DPYD: variants seen among roughly 807,000 people sequenced by gnomAD.
The protein encoded by DPYD is dihydropyrimidine dehydrogenase [NADP(+)].
Under a neutral mutation model 116.2 loss-of-function variants are expected in DPYD, and 109 were observed. The observed-to-expected ratio is 0.94, with a 90% CI of 0.80 to 1.10. The LOEUF is 1.10. Ranked by LOEUF, DPYD falls within the 50% of genes least tolerant of loss-of-function variation. The probability of loss-of-function intolerance (pLI) is 0.00; values close to 1 mark genes in which losing one functional copy is unlikely to be tolerated. For missense variants in DPYD, 1,302 were observed against 1,254.5 expected (o/e 1.04, Z -0.57); for synonymous variants, 440 against 432.0 (o/e 1.02, Z -0.23).
At chr1:97,783,805 C>T (rs546422409) in intron 3 of DPYD, among the ~76,000 whole-genome samples, 1 of 152,348 alleles carries the variant, frequency 6.6e-6, no homozygotes, top group Non-Finnish European at 1.5e-5. Flanking sequence ...AGAAAGGCTA[C>T]ACCTTTCTTA....
At chr1:97,604,700 A>C (rs1308619613) in intron 8 of DPYD, among the ~76,000 whole-genome samples, 2 of 152,106 alleles carry the variant, frequency 1.3e-5, no homozygotes, top group Non-Finnish European at 2.9e-5. Context: ...AAATCACAGT[A>C]CTTTTCTAGG....
chr1:97,805,149 A>G (rs1013809960), intron 3 of DPYD, among the ~76,000 whole-genome samples: 1 of 151,922 alleles, frequency 6.6e-6, no homozygotes, highest in South Asian at 2.1e-4. Flanking sequence ...AGGCAAAGCA[A>G]ATGAATTTGG....
intron 4 of DPYD, among the ~76,000 whole-genome samples, chr1:97,724,952 A>AAAG (rs1663151868): frequency 1.0e-5 from 1 of 97,496 alleles, no homozygotes; most frequent in Non-Finnish European, 2.2e-5. Flanking sequence ...GGAGGGAAGG[A>AAAG]AAGAGAGAGA....
At chr1:97,871,046 C>T (rs1180201230) in intron 2 of DPYD, among the ~76,000 whole-genome samples, 1 of 151,822 alleles carries the variant, frequency 6.6e-6, no homozygotes, top group South Asian at 2.1e-4. Context: ...GACAATTTTG[C>T]TGATTTCTTT....
intron 16 of DPYD, among the ~76,000 whole-genome samples, chr1:97,354,633 T>A (rs1294986727): frequency 1.3e-5 from 2 of 151,492 alleles, no homozygotes; most frequent in Admixed American, 6.6e-5. Context: ...TTATGGAGAG[T>A]GGTCACAGAA....
intron 4 of DPYD, among the ~76,000 whole-genome samples, chr1:97,736,850 TTGTGTGTGTG>T (rs71590232): frequency 8.7e-4 from 123 of 142,106 alleles, no homozygotes; most frequent in Middle Eastern, 3.5e-3. Flanking sequence ...GTGTGTGCAT[TTGTGTGTGTG>T]TGTGTGTGTG....
intron 18 of DPYD, among the ~76,000 whole-genome samples, chr1:97,299,955 A>G (rs969327523): frequency 6.6e-6 from 1 of 152,152 alleles, no homozygotes; most frequent in African/African-American, 2.4e-5. Context: ...TCAAATGAGC[A>G]TTATTTAAAT....
At position 97,082,111 on chromosome 1, in the gene DPYD, C is replaced by T. The variant is rs565874547; in HGVS notation, c.2907+219G>A. Among the ~76,000 whole-genome samples the T allele has an allele frequency of 2.6e-5, 4 of 152,096 alleles. 1 individual carries two copies. Among genetic ancestry groups the T allele is most frequent in the South Asian group, 2.1e-4 (1 of 4,812 alleles). On this transcript the variant is annotated intron_variant, in intron 22 of 22. Coordinates refer to ENST00000370192, the MANE Select transcript of DPYD (RefSeq NM_000110.4). ...CTGATGAAATGGTATAAAAATAATT[C>T]TGTGCATTAAATGCTGGCATAGTTA... is the stretch of plus-strand genomic sequence containing the variant.
At chr1:97,721,427 A>G in intron 5 of DPYD, 83 bp downstream of exon 5, 5 of 1,541,680 alleles carry the variant, frequency 3.2e-6, no homozygotes, top group Non-Finnish European at 4.5e-6. Flanking sequence ...GGGTATCAAC[A>G]GAGCACCAAG....
intron 14 of DPYD, among the ~76,000 whole-genome samples, chr1:97,419,109 C>T (rs185568016): frequency 1.4e-4 from 21 of 152,170 alleles, no homozygotes; most frequent in African/African-American, 4.1e-4. Context: ...ATGGATATCC[C>T]ACAGGCACCA....
chr1:97,896,296 G>A (rs945358718), intron 1 of DPYD, among the ~76,000 whole-genome samples: 6 of 151,676 alleles, frequency 4.0e-5, no homozygotes, highest in Non-Finnish European at 7.4e-5. Flanking sequence ...GCTGGAAAAG[G>A]GCATGAACAG....
intron 14 of DPYD, among the ~76,000 whole-genome samples, chr1:97,445,209 G>A (rs549494398): frequency 6.6e-6 from 1 of 152,278 alleles, no homozygotes; most frequent in East Asian, 1.9e-4. Context: ...ATGGATTTTA[G>A]CAACTTTCTC....
At chr1:97,377,815 G>A (rs1476617392) in intron 15 of DPYD, among the ~76,000 whole-genome samples, 1 of 152,172 alleles carries the variant, frequency 6.6e-6, no homozygotes, top group Non-Finnish European at 1.5e-5. Context: ...GGCCCAGTGT[G>A]GGATGTCACA....
intron 19 of DPYD, among the ~76,000 whole-genome samples, chr1:97,231,790 A>T (rs1016793774): frequency 1.3e-5 from 2 of 152,218 alleles, no homozygotes; most frequent in African/African-American, 2.4e-5. Context: ...AGCAGCAATT[A>T]CTACCAGCAC....
chr1:97,630,388 T>A (rs547454432), intron 8 of DPYD, among the ~76,000 whole-genome samples: 1 of 152,134 alleles, frequency 6.6e-6, no homozygotes, highest in African/African-American at 2.4e-5. Context: ...TAATTTGGTG[T>A]TGCTCTATTT....
At chr1:97,535,487 A>G (rs765844774) in intron 12 of DPYD, among the ~76,000 whole-genome samples, 16 of 152,078 alleles carry the variant, frequency 1.1e-4, no homozygotes, top group Middle Eastern at 3.2e-3. Flanking sequence ...TTCCCTACGT[A>G]TTGGATCAGA....
intron 13 of DPYD, among the ~76,000 whole-genome samples, chr1:97,506,601 A>G (rs1318387428): frequency 6.6e-6 from 1 of 151,942 alleles, no homozygotes; most frequent in African/African-American, 2.4e-5. Flanking sequence ...CTACCAGCTA[A>G]CCCAGATCAA....
intron 18 of DPYD, among the ~76,000 whole-genome samples, chr1:97,281,856 C>T (rs1173730535): frequency 1.3e-5 from 2 of 151,986 alleles, no homozygotes; most frequent in African/African-American, 4.8e-5. Flanking sequence ...AAATTATCTA[C>T]CTCATCATTA....
chr1:97,566,157 C>T (rs1179025603), intron 11 of DPYD, among the ~76,000 whole-genome samples: 2 of 152,152 alleles, frequency 1.3e-5, no homozygotes, highest in Non-Finnish European at 2.9e-5. Flanking sequence ...AGACTCTGTT[C>T]TGTGCTTCCT....
Sources: gnomAD v4.1 joint callset for allele counts (sites outside exome capture counted in the v4.1 genomes callset) on GRCh38, gnomAD v4.1.1 for gene constraint, MANE v1.5 for transcripts, NCBI Gene and HGNC (gene_info 2026-07-23, HGNC 2026-07-21) for gene names.